Variants in COL25A1 observed in about 807,000 individuals in gnomAD.
COL25A1 encodes the protein collagen alpha-1(XXV) chain.
COL25A1 carries 103 observed loss-of-function variants against 128.4 expected under a neutral mutation model. The ratio of observed to expected loss-of-function variants is 0.80; its 90% CI spans 0.68 to 0.94. The LOEUF is 0.94. Among genes scored for constraint, COL25A1 ranks in the 40% least tolerant of loss-of-function variants. COL25A1 has a pLI of 0.00. For synonymous variants in COL25A1, 279 were observed against 277.2 expected (o/e 1.01, Z -0.06); for missense variants, 745 against 840.0 (o/e 0.89, Z 1.40).
intron 3 of COL25A1, among the ~76,000 whole-genome samples, chr4:109,261,299 T>C (rs1193012847): frequency 2.6e-5 from 4 of 152,088 alleles, no homozygotes; most frequent in Non-Finnish European, 5.9e-5. Flanking sequence ...AGCGGGTCAC[T>C]TGAGGTCAGG....
rs756965481 is a variant in COL25A1, at chr4:108,863,318, C to A, written c.1152+1G>T. 11 of 1,613,538 alleles carry A rather than the reference C, an allele frequency of 6.8e-6. No homozygotes were observed. Among genetic ancestry groups the A allele is most frequent in the Middle Eastern group, 3.3e-4 (2 of 6,042 alleles). The stretch of plus-strand genomic sequence containing the variant: ...TATTTTCCAGTTTAAGAATAACTCA[C>A]CTTTGGTCCGGGGGCTCCAGGTTCC... On this transcript the variant is annotated splice_donor_variant, in intron 21 of 37. Transcript: ENST00000399132. LOFTEE classifies it high-confidence loss of function.
intron 3 of COL25A1, among the ~76,000 whole-genome samples, chr4:109,229,898 G>T (rs1336501048): frequency 1.3e-5 from 2 of 152,158 alleles, no homozygotes; most frequent in Non-Finnish European, 2.9e-5. Context: ...GGTTCTGCAG[G>T]CTGTACAGGA....
chr4:109,001,625 A>G (rs4615247), intron 6 of COL25A1, among the ~76,000 whole-genome samples: 121,089 of 152,154 alleles, frequency 0.8, 49,349 homozygotes, highest in East Asian at 1. Flanking sequence ...CTGAGCAGAA[A>G]CTCAATTATC....
chr4:109,263,238 G>C (rs540267942), intron 3 of COL25A1, among the ~76,000 whole-genome samples: 1 of 152,162 alleles, frequency 6.6e-6, no homozygotes, highest in African/African-American at 2.4e-5. Context: ...AGTTGCTAGA[G>C]ATATATTTTA....
rs10026399 is a variant in COL25A1, at chr4:108,813,489, G to A, written c.*438C>T. 0.015 allele frequency: 2,364 copies of A among 156,984 alleles called. 57 individuals carry two copies. The highest frequency in any genetic ancestry group is 0.053 in the African/African-American group (2,194 of 41,614). The allele number at this position is 156,984 out of a possible 1,614,324, so 9.7% of individuals were successfully genotyped here. On this transcript the variant is annotated 3_prime_UTR_variant, in exon 38 of 38. Coordinates refer to ENST00000399132, the MANE Select transcript of COL25A1 (RefSeq NM_198721.4). The stretch of plus-strand genomic sequence containing the variant: ...GTATGAGTCAACGCCGACATGAAAG[G>A]TGAATGGGAATGTGATAATCAGCTC...
intron 13 of COL25A1, among the ~76,000 whole-genome samples, chr4:108,913,261 C>CT (rs201929872): frequency 0.025 from 2,293 of 92,356 alleles, 101 homozygotes; most frequent in African/African-American, 0.07. Flanking sequence ...TCTCTAGCTC[C>CT]TTTTTTTTTT....
At chr4:108,899,076 T>G in intron 15 of COL25A1, 78 bp downstream of exon 15, 1 of 1,397,142 alleles carries the variant, frequency 7.2e-7, no homozygotes, top group Non-Finnish European at 1.0e-6. Flanking sequence ...TTCATGCATA[T>G]AGTTTAGTTT....
chr4:109,249,063 G>A (rs1352153161), intron 3 of COL25A1, among the ~76,000 whole-genome samples: 1 of 152,100 alleles, frequency 6.6e-6, no homozygotes, highest in Non-Finnish European at 1.5e-5. Context: ...TTACATACAT[G>A]GTAGACACTG....
At chr4:109,219,307 T>C (rs530969284) in intron 3 of COL25A1, among the ~76,000 whole-genome samples, 4 of 152,308 alleles carry the variant, frequency 2.6e-5, no homozygotes, top group Admixed American at 2.0e-4. Flanking sequence ...TAGTCCAGTG[T>C]ACTCTCCACT....
chr4:109,173,842 T>C (rs1480528846), intron 3 of COL25A1, among the ~76,000 whole-genome samples: 3 of 152,128 alleles, frequency 2.0e-5, no homozygotes, highest in Non-Finnish European at 4.4e-5. Flanking sequence ...TTTTTTTCTT[T>C]TGGATTTGAG....
intron 15 of COL25A1, 132 bp downstream of exon 15, chr4:108,899,022 C>T: frequency 2.9e-6 from 2 of 684,422 alleles, no homozygotes; most frequent in African/African-American, 1.8e-5. Flanking sequence ...TACCTACCTA[C>T]CTACCTATTA....
chr4:108,869,945 G>A (rs1433401089), intron 19 of COL25A1, among the ~76,000 whole-genome samples: 2 of 152,050 alleles, frequency 1.3e-5, no homozygotes, highest in African/African-American at 2.4e-5. Context: ...TAGAGAAAAC[G>A]TTTTATAAGA....
At chr4:108,903,105 C>A (rs1743042759) in intron 13 of COL25A1, among the ~76,000 whole-genome samples, 1 of 151,800 alleles carries the variant, frequency 6.6e-6, no homozygotes, top group Non-Finnish European at 1.5e-5. Context: ...AAAATTCATG[C>A]TGAGATTTTG....
chr4:109,074,286 C>T (rs560348622), intron 3 of COL25A1, among the ~76,000 whole-genome samples: 1 of 152,162 alleles, frequency 6.6e-6, no homozygotes, highest in Non-Finnish European at 1.5e-5. Flanking sequence ...TGGTCAGTGG[C>T]CCAAGGACTG....
At chr4:108,920,668 T>A in intron 11 of COL25A1, 64 bp from the exon 12 acceptor site, 1 of 1,182,824 alleles carries the variant, frequency 8.5e-7, no homozygotes, top group Non-Finnish European at 1.2e-6. Context: ...ATGACCAATT[T>A]AAACTGTCCT....
intron 3 of COL25A1, among the ~76,000 whole-genome samples, chr4:109,292,971 G>A (rs1448634618): frequency 3.3e-5 from 5 of 151,912 alleles, no homozygotes; most frequent in Non-Finnish European, 7.4e-5. Context: ...TTTTGAATGT[G>A]GTTTGTGGAA....
At chr4:108,913,889 A>G (rs1449567827) in intron 13 of COL25A1, among the ~76,000 whole-genome samples, 1 of 152,182 alleles carries the variant, frequency 6.6e-6, no homozygotes, top group Non-Finnish European at 1.5e-5. Context: ...AATATACATC[A>G]CTTCATGTAT....
At chr4:108,992,154 G>A (rs1445149158) in intron 6 of COL25A1, among the ~76,000 whole-genome samples, 2 of 152,096 alleles carry the variant, frequency 1.3e-5, no homozygotes, top group Non-Finnish European at 2.9e-5. Flanking sequence ...GAGTAATACA[G>A]AATTACAACA....
At chr4:109,038,013 G>A (rs969249783) in intron 5 of COL25A1, among the ~76,000 whole-genome samples, 1 of 152,168 alleles carries the variant, frequency 6.6e-6, no homozygotes, top group Non-Finnish European at 1.5e-5. Flanking sequence ...ACAGAGAGAG[G>A]AGAAGAAAGC....
Sources: allele counts gnomAD v4.1 joint callset (sites outside exome capture counted in the v4.1 genomes callset), GRCh38; gene constraint gnomAD v4.1.1; transcripts MANE v1.5; gene names NCBI Gene and HGNC (gene_info 2026-07-23, HGNC 2026-07-21).